Variants in TUBGCP5 observed in about 807,000 individuals in gnomAD.
TUBGCP5 encodes the protein gamma-tubulin complex component 5.
TUBGCP5 carries 98 observed loss-of-function variants against 134.7 expected under a neutral mutation model. That is an observed-to-expected ratio of 0.73 (90% CI 0.62 to 0.86). The LOEUF is 0.86. Ranked by LOEUF, TUBGCP5 falls within the 40% of genes least tolerant of loss-of-function variation. The pLI is 0.00. For missense variants in TUBGCP5, 1,150 were observed against 1,244.8 expected (o/e 0.92, Z 1.15); for synonymous variants, 456 against 431.4 (o/e 1.06, Z -0.71).
At position 23,003,180 on chromosome 15, in the gene TUBGCP5, A is replaced by C. The variant is rs765754691; in HGVS notation, c.2839-27T>G. On this transcript the variant is annotated intron_variant, in intron 20 of 22. Coordinates refer to ENST00000615383, the MANE Select transcript of TUBGCP5 (RefSeq NM_052903.6). ...TGCAGACCAAAGTCACAGAACACAA[A>C]CTGTGTAACTAGGTTTGGACACTGA... The C allele has an allele frequency of 8.7e-6, 14 of 1,603,318 alleles. No homozygotes were observed. In the East Asian group the frequency reaches 2.7e-4, roughly 31 times the overall value.
chr15:23,012,115 CAAAAAAAAA>C (rs1210798007), intron 13 of TUBGCP5, among the ~76,000 whole-genome samples: 3 of 80,838 alleles, frequency 3.7e-5, no homozygotes, highest in Non-Finnish European at 8.3e-5. Context: ...AAACCTGACT[CAAAAAAAAA>C]AAAAAAAAAA....
At chr15:22,987,968 C>T (rs2063729129) in intron 23 of TUBGCP5, among the ~76,000 whole-genome samples, 1 of 146,996 alleles carries the variant, frequency 6.8e-6, no homozygotes, top group Non-Finnish European at 1.5e-5. Flanking sequence ...TGTGAAGACA[C>T]AGCCAGACAA....
At chr15:23,024,715 A>G (rs2065892942) in intron 9 of TUBGCP5, 22 bp downstream of exon 9, 1 of 1,214,500 alleles carries the variant, frequency 8.2e-7, no homozygotes, top group South Asian at 1.5e-5. Flanking sequence ...TTCTTAAATT[A>G]CCATAAATAC....
chr15:22,989,711 C>T (rs2063790891), intron 23 of TUBGCP5, among the ~76,000 whole-genome samples: 1 of 152,074 alleles, frequency 6.6e-6, no homozygotes. Context: ...TTAACTGATC[C>T]CTCCATTCCA....
At chr15:23,035,419 G>C (rs898499310) in intron 3 of TUBGCP5, among the ~76,000 whole-genome samples, 1 of 151,674 alleles carries the variant, frequency 6.6e-6, no homozygotes, top group Non-Finnish European at 1.5e-5. Context: ...TTTTGTGGAA[G>C]ACAATTTTTC....
chr15:23,015,824 C>G (rs1392734617), intron 13 of TUBGCP5, among the ~76,000 whole-genome samples: 2 of 152,118 alleles, frequency 1.3e-5, no homozygotes, highest in African/African-American at 4.8e-5. Context: ...GTGAATGCAT[C>G]CCACTGAACC....
intron 23 of TUBGCP5, among the ~76,000 whole-genome samples, chr15:22,988,673 T>C (rs1229198697): frequency 6.6e-6 from 1 of 150,650 alleles, no homozygotes; most frequent in Non-Finnish European, 1.5e-5. Flanking sequence ...GAGGCAGAGC[T>C]TGCAGTGAGC....
rs149608612 is a variant in TUBGCP5 at position 23,005,590 on chromosome 15, T to C, written c.2554A>G (p.Lys852Glu). 1.2e-6 allele frequency: 2 copies of C among 1,614,098 alleles called. No individual in the cohort carries two copies. The highest frequency in any genetic ancestry group is 1.7e-6 in the Non-Finnish European group (2 of 1,180,002). The change falls in exon 19 of 23, where the codon AAA (lysine) becomes GAA (glutamate). Residue 852 changes from lysine to glutamate, a missense_variant. Around this residue, in one of 2 missense-constraint regions of TUBGCP5, gnomAD observed 697 missense variants for 850.1 expected, o/e 0.82. Coordinates refer to ENST00000615383, the MANE Select transcript of TUBGCP5 (RefSeq NM_052903.6). The stretch of plus-strand genomic sequence containing the variant: ...ATAAGGCCTTCTTTAAGTCGTGGTT[T>C]TTCTGCAGTACTAACCAGTTCTATA... ...LFGELVSTAE[K>E]PRLKEGLIHE...
At chr15:22,997,466 C>T (rs1047481678), downstream of TUBGCP5, among the ~76,000 whole-genome samples, 7 of 152,002 alleles carry the variant, frequency 4.6e-5, no homozygotes, top group African/African-American at 1.7e-4. Context: ...AGGCATGAGC[C>T]ACCGTGCTCG....
exon 24 of TUBGCP5, chr15:22,983,437 G>T (rs1325673346): frequency 2.0e-5 from 3 of 152,026 alleles, no homozygotes; most frequent in Non-Finnish European, 4.4e-5. Context: ...TATATATGCA[G>T]GCCTATGATA....
At chr15:22,988,544 T>A (rs140377028) in intron 23 of TUBGCP5, among the ~76,000 whole-genome samples, 3 of 151,284 alleles carry the variant, frequency 2.0e-5, no homozygotes, top group Non-Finnish European at 2.9e-5. Flanking sequence ...CCATCCTGGC[T>A]AACACAGTGA....
At chr15:23,034,329 C>G (rs189663105) in intron 3 of TUBGCP5, among the ~76,000 whole-genome samples, 2 of 152,260 alleles carry the variant, frequency 1.3e-5, no homozygotes, top group Admixed American at 1.3e-4. Context: ...AGCAAGCATC[C>G]AAACCAGACT....
chr15:22,986,674 G>A (rs920254517), intron 23 of TUBGCP5, among the ~76,000 whole-genome samples: 4 of 151,830 alleles, frequency 2.6e-5, no homozygotes, highest in Admixed American at 2.0e-4. Flanking sequence ...GGAGGTGGAG[G>A]CTGCAGTGAG....
intron 13 of TUBGCP5, 26 bp from the exon 14 acceptor site, chr15:23,011,357 T>C (rs760475208): frequency 1.3e-6 from 2 of 1,565,144 alleles, no homozygotes; most frequent in East Asian, 4.5e-5. Flanking sequence ...ATATGTAAGG[T>C]GAACTAAGTT....
intron 19 of TUBGCP5, among the ~76,000 whole-genome samples, chr15:23,004,806 G>A (rs3812920): frequency 0.087 from 13,285 of 152,068 alleles, 1,053 homozygotes; most frequent in East Asian, 0.46. Flanking sequence ...CCAAAACACA[G>A]GCTTCAGTGG....
At chr15:23,001,515 G>T (rs2064375259) in intron 21 of TUBGCP5, among the ~76,000 whole-genome samples, 1 of 151,354 alleles carries the variant, frequency 6.6e-6, no homozygotes, top group Non-Finnish European at 1.5e-5. Flanking sequence ...GGCTAATTTT[G>T]TATTTTTAGT....
chr15:23,027,135 G>T, intron 7 of TUBGCP5, 57 bp downstream of exon 7: 1 of 1,310,970 alleles, frequency 7.6e-7, no homozygotes, highest in Admixed American at 2.2e-5. Flanking sequence ...AAAGCCAAAC[G>T]TTTAAACATC....
In TUBGCP5 at chr15:23,006,038, A is replaced by G. The variant is rs1441585804; in HGVS notation, c.2533+14T>C. The G allele has an allele frequency of 1.3e-6, 2 of 1,584,048 alleles. No homozygotes were observed. Among genetic ancestry groups the G allele is most frequent in the Non-Finnish European group, 1.7e-6 (2 of 1,171,778 alleles). ...AAATAAAATTACAATTTATCTGCTG[A>G]AAACAAATCTTACCACCAAAAAGTA... On this transcript the variant is annotated intron_variant, in intron 18 of 22. Transcript: ENST00000615383.
downstream of TUBGCP5, chr15:22,996,793 C>G (rs937029113): frequency 6.6e-6 from 1 of 152,150 alleles, no homozygotes; most frequent in African/African-American, 2.4e-5. Flanking sequence ...TGGCTGAAAA[C>G]CCAACTCTTC....
Sources: allele counts gnomAD v4.1 joint callset (sites outside exome capture counted in the v4.1 genomes callset), GRCh38; gene constraint gnomAD v4.1.1; regional missense constraint gnomAD v4.1.1; transcripts MANE v1.5; gene names NCBI Gene and HGNC (gene_info 2026-07-23, HGNC 2026-07-21).